The following LOX variants were observed in gnomAD, a reference collection of about 807,000 sequenced individuals.
LOX encodes protein-lysine 6-oxidase.
In LOX, 12 loss-of-function variants were observed where a neutral mutation model predicts 50.5. The observed-to-expected ratio is 0.24, with a 90% CI of 0.15 to 0.38. LOX has a LOEUF of 0.38. Among genes scored for constraint, LOX ranks in the 10% least tolerant of loss-of-function variants. The probability of loss-of-function intolerance (pLI) is 1.00; values close to 1 mark genes in which losing one functional copy is unlikely to be tolerated. For synonymous variants in LOX, 254 were observed against 230.6 expected, an observed-to-expected ratio of 1.10 and a Z score of -0.92; for missense variants, 504 against 563.8, an observed-to-expected ratio of 0.89 and a Z score of 1.07.
chr5:122,071,577 G>C (rs926947819), intron 4 of LOX, among the ~76,000 whole-genome samples: 1 of 152,142 alleles, frequency 6.6e-6, no homozygotes, highest in African/African-American at 2.4e-5. Context: ...TTGCTTTTAA[G>C]AATGTTATAG....
chr5:122,066,593 CT>C lies in LOX; in HGVS notation c.*149del. 1 of 585,888 alleles carries C rather than the reference CT, an allele frequency of 1.7e-6. No individual in the cohort carries two copies. The highest frequency in any genetic ancestry group is 3.1e-6 in the Non-Finnish European group (1 of 322,936). 36.3% of individuals were successfully genotyped at this position (585,888 alleles called of 1,614,324 possible). A position where few individuals can be genotyped will look rare whatever the true frequency, so the allele number is the denominator to read the frequency against. On this transcript the variant is annotated 3_prime_UTR_variant, in exon 7 of 7. Coordinates refer to ENST00000231004, the MANE Select transcript of LOX (RefSeq NM_002317.7). ...TAAGCGTTCAAAATCCAGTTATGTG[CT>C]TTGTTATTGAAAACAGTCCAAACAA...
At chr5:122,068,577 T>C (rs551499466) in intron 6 of LOX, among the ~76,000 whole-genome samples, 2 of 152,178 alleles carry the variant, frequency 1.3e-5, no homozygotes, top group Non-Finnish European at 2.9e-5. Flanking sequence ...AGTGAGAGGC[T>C]GCAAGGTGGC....
At position 122,074,173 on chromosome 5, in the gene LOX, A is replaced by G. The variant is rs1358593685; in HGVS notation, c.879-4T>C. On this transcript the variant is annotated splice_polypyrimidine_tract_variant and splice_region_variant and intron_variant, in intron 3 of 6. Coordinates refer to ENST00000231004, the MANE Select transcript of LOX (RefSeq NM_002317.7). ...CTCATCCATACTGTGGTAATGTCTG[A>G]TGTCCCACAAAACAAAAAGATGGTG... is the stretch of plus-strand genomic sequence containing the variant. The G allele has an allele frequency of 2.1e-5, 33 of 1,609,296 alleles. No homozygotes were observed. Among genetic ancestry groups the G allele is most frequent in the African/African-American group, 2.7e-5 (2 of 74,872 alleles).
At position 122,066,658 on chromosome 5, in the gene LOX, C is replaced by T; in HGVS notation, c.*85G>A. The stretch of plus-strand genomic sequence containing the variant: ...GTTTTCTGTTCTCTTTTTCAAAATA[C>T]ATAAATCCTACTGAAGTTAGTCTAT... On this transcript the variant is annotated 3_prime_UTR_variant, in exon 7 of 7. Coordinates refer to ENST00000231004, the MANE Select transcript of LOX (RefSeq NM_002317.7). The T allele has an allele frequency of 9.2e-7, 1 of 1,091,116 alleles. No homozygotes were observed. The highest frequency in any genetic ancestry group is 1.4e-6 in the Non-Finnish European group (1 of 723,706). 67.6% of individuals were successfully genotyped at this position (1,091,116 alleles called of 1,614,324 possible).
rs1189064208 is a variant in LOX at position 122,066,107 on chromosome 5, T to G, written c.*636A>C. On this transcript the variant is annotated 3_prime_UTR_variant, in exon 7 of 7. Transcript: ENST00000231004. ...TCAAGTCAAAATGAAATTGTGCACTTGAAAGAAAGGAAGTTATCTACTAAT... is the reference window on the plus strand; with the variant it reads ...TCAAGTCAAAATGAAATTGTGCACTGGAAAGAAAGGAAGTTATCTACTAAT... 1 of 152,142 alleles carries G rather than the reference T, an allele frequency of 6.6e-6. No individual in the cohort carries two copies. Among genetic ancestry groups the G allele is most frequent in the African/African-American group, 2.4e-5 (1 of 41,434 alleles). 9.4% of individuals were successfully genotyped at this position (152,142 alleles called of 1,614,324 possible).
rs752995014 is a variant in LOX at position 122,077,767 on chromosome 5, G to A, written c.219C>T (p.Gly73=). The A allele has an allele frequency of 1.3e-6, 2 of 1,551,522 alleles. No homozygotes were observed. Among genetic ancestry groups the A allele is most frequent in the Admixed American group, 1.9e-5 (1 of 51,752 alleles). Reference sequence around the variant, plus strand: ...CGTTGGCTGCACCAGGGACGGCGGCGCCCGGGTCCCGGCGGCGCTGAGGCT... The same window carrying A: ...CGTTGGCTGCACCAGGGACGGCGGCACCCGGGTCCCGGCGGCGCTGAGGCT... ...QYQPQRRRDP[G]AAVPGAANAS... The change falls in exon 1 of 7, where the codon GGC becomes GGT. Residue 73 remains glycine, a synonymous_variant. Transcript: ENST00000231004. The surrounding 1 kb of genome is among the most constrained non-coding windows in gnomAD (Gnocchi z 4.9).
chr5:122,070,674 T>A (rs1400556535), intron 4 of LOX, 85 bp from the exon 5 acceptor site: 1 of 677,016 alleles, frequency 1.5e-6, no homozygotes, highest in East Asian at 2.7e-5. Context: ...CAAATTAAAT[T>A]TTAAGTTAGT....
At chr5:122,072,425 T>G (rs949470199) in intron 4 of LOX, among the ~76,000 whole-genome samples, 1 of 152,244 alleles carries the variant, frequency 6.6e-6, no homozygotes. Context: ...TACTATTTGT[T>G]ACATTAAATT....
chr5:122,073,895 G>T, intron 4 of LOX, 118 bp downstream of exon 4: 1 of 944,128 alleles, frequency 1.1e-6, no homozygotes, highest in Non-Finnish European at 1.6e-6. Flanking sequence ...AACAGTCTCT[G>T]TATCCTTTTG....
At chr5:122,071,403 T>C (rs1161929643) in intron 4 of LOX, among the ~76,000 whole-genome samples, 9 of 152,170 alleles carry the variant, frequency 5.9e-5, no homozygotes, top group African/African-American at 2.2e-4. Context: ...CCCACTATAC[T>C]CTCTCTCATA....
intron 6 of LOX, among the ~76,000 whole-genome samples, chr5:122,069,145 T>C (rs1191747727): frequency 1.3e-5 from 2 of 152,194 alleles, no homozygotes; most frequent in Non-Finnish European, 2.9e-5. Flanking sequence ...TAGAAAGTCC[T>C]GGGTTTTTGT....
At position 122,066,625 on chromosome 5, in the gene LOX, C is replaced by G. The variant is rs907865584; in HGVS notation, c.*118G>C. ...ATTGAAAACAGTCCAAACAAAAATT[C>G]TTTTGTTGTTTTCTGTTCTCTTTTT... On this transcript the variant is annotated 3_prime_UTR_variant, in exon 7 of 7. Transcript: ENST00000231004. 19 of 824,390 alleles carry G rather than the reference C, an allele frequency of 2.3e-5. No individual in the cohort carries two copies. Among genetic ancestry groups the G allele is most frequent in the Non-Finnish European group, 3.8e-5 (19 of 506,510 alleles). The allele number at this position is 824,390 out of a possible 1,614,324, so 51.1% of individuals were successfully genotyped here. A position where few individuals can be genotyped will look rare whatever the true frequency, so the allele number is the denominator to read the frequency against.
At chr5:122,071,747 C>T (rs1488181324) in intron 4 of LOX, among the ~76,000 whole-genome samples, 2 of 152,148 alleles carry the variant, frequency 1.3e-5, no homozygotes, top group Non-Finnish European at 2.9e-5. Context: ...ATTCTAGCAA[C>T]CAATATTGCT....
chr5:122,076,809 G>A lies in LOX; in HGVS notation c.740+84C>T, dbSNP rs1174195779. The A allele has an allele frequency of 6.7e-6, 8 of 1,198,420 alleles. No homozygotes were observed. The Admixed American group carries it at 1.3e-4, about 19-fold the overall frequency. 74.2% of individuals were successfully genotyped at this position (1,198,420 alleles called of 1,614,324 possible). ...CCCACTTCCTAACACTTGTCTGCGC[G>A]AAGCAGTAGCAGTCAGAACCAGGCA... is the stretch of plus-strand genomic sequence containing the variant. On this transcript the variant is annotated intron_variant, in intron 2 of 6. Transcript: ENST00000231004.
At chr5:122,075,589 TA>T (rs1471317307) in intron 2 of LOX, 48 bp from the exon 3 acceptor site, 1 of 1,288,888 alleles carries the variant, frequency 7.8e-7, no homozygotes, top group Admixed American at 2.3e-5. Context: ...GAATATTAAC[TA>T]AAGACAAAAC....
rs1213918460 is a variant in LOX, at chr5:122,071,204, T to C, written c.1036-615A>G. Among the ~76,000 whole-genome samples, 3 of 151,694 alleles carry C rather than the reference T, an allele frequency of 2.0e-5. 1 individual carries two copies. Among genetic ancestry groups the C allele is most frequent in the African/African-American group, 7.3e-5 (3 of 41,152 alleles). On this transcript the variant is annotated intron_variant, in intron 4 of 6. Coordinates refer to ENST00000231004, the MANE Select transcript of LOX (RefSeq NM_002317.7). ...TCGTAAACATTTATATGTGTGTGTG[T>C]GTGTGTGTGTGTGTGTATAAAAATT... is the stretch of plus-strand genomic sequence containing the variant.
chr5:122,070,880 G>T (rs924192074), intron 4 of LOX: 3 of 211,742 alleles, frequency 1.4e-5, no homozygotes, highest in South Asian at 1.8e-4. Flanking sequence ...CTCTACCAAA[G>T]TTCTAGAATT....
intron 4 of LOX, among the ~76,000 whole-genome samples, chr5:122,073,485 G>C (rs2956540): frequency 0.41 from 61,735 of 151,974 alleles, 12,881 homozygotes; most frequent in Non-Finnish European, 0.44. Flanking sequence ...TTTGCTAACC[G>C]CAACCACTAT....
At chr5:122,068,846 A>T (rs931694300) in intron 6 of LOX, among the ~76,000 whole-genome samples, 2 of 152,136 alleles carry the variant, frequency 1.3e-5, no homozygotes, top group Non-Finnish European at 2.9e-5. Flanking sequence ...TGGATGAATA[A>T]ATTAAGGAAT....
Sources: allele counts gnomAD v4.1 joint callset (sites outside exome capture counted in the v4.1 genomes callset), GRCh38; gene constraint gnomAD v4.1.1; non-coding constraint Gnocchi (gnomAD v3.1); transcripts MANE v1.5; gene names NCBI Gene and HGNC (gene_info 2026-07-23, HGNC 2026-07-21).